Variants in N4BP2 observed in about 807,000 individuals in gnomAD.
The protein encoded by N4BP2 is NEDD4-binding protein 2.
A neutral mutation model predicts 152.8 loss-of-function variants in N4BP2; 91 were observed. The observed-to-expected ratio is 0.60, with a 90% confidence interval of 0.50 to 0.71. The LOEUF (loss-of-function observed/expected upper bound fraction) is 0.71. N4BP2 is among the 30% of genes least tolerant of loss of function. The pLI is 0.00. For missense variants in N4BP2, 1,923 were observed against 2,059.1 expected (o/e 0.93, Z 1.28); for synonymous variants, 646 against 705.3 (o/e 0.92, Z 1.33).
intron 1 of N4BP2, among the ~76,000 whole-genome samples, chr4:40,061,731 C>A (rs1280318283): frequency 6.7e-6 from 1 of 149,602 alleles, no homozygotes; most frequent in African/African-American, 2.5e-5. Flanking sequence ...GTGGTGTGAT[C>A]TCGGCTCACT....
Position 40,102,801 on chromosome 4 carries a change from T to C in N4BP2, c.956T>C (p.Leu319Pro). The change falls in exon 4 of 18, where the codon CTA becomes CCA. Residue 319 changes from leucine (L) to proline (P), a missense_variant. Physicochemically the swap from Leu to Pro is moderately conservative, Grantham distance 98 (BLOSUM62 -3). Transcript: ENST00000261435. ...TCTACTCGGGTCTCTGATGTGTTTC[T>C]ACCTTCCGAAGGGTTCAACTTCAAG... ...QKSTRVSDVFLPSEGFNFKPH... is the reference protein window; with the variant it reads ...QKSTRVSDVFPPSEGFNFKPH... The C allele has an allele frequency of 6.2e-7, 1 of 1,614,198 alleles. No individual in the cohort carries two copies. The highest frequency in any genetic ancestry group is 8.5e-7 in the Non-Finnish European group (1 of 1,180,022).
At chr4:40,109,968 T>G (rs1166513030) in intron 5 of N4BP2, among the ~76,000 whole-genome samples, 1 of 152,232 alleles carries the variant, frequency 6.6e-6, no homozygotes, top group Non-Finnish European at 1.5e-5. Context: ...TAGAACATTT[T>G]TATCATCTCA....
chr4:40,181,140 A>T, the N4BP2 span, among the ~76,000 whole-genome samples: 1 of 152,130 alleles, frequency 6.6e-6, no homozygotes, highest in Non-Finnish European at 1.5e-5. Context: ...ACAGAGCGAG[A>T]GTCTGTCTCA....
chr4:40,073,913 C>A (rs1485570282), intron 2 of N4BP2, among the ~76,000 whole-genome samples: 2 of 152,190 alleles, frequency 1.3e-5, no homozygotes, highest in African/African-American at 4.8e-5. Context: ...CTGCCTCAGC[C>A]TCCCAAGTAG....
chr4:40,097,703 AGTTACTAAG>A, intron 3 of N4BP2, 134 bp downstream of exon 3: 2 of 630,796 alleles, frequency 3.2e-6, no homozygotes, highest in Non-Finnish European at 5.5e-6. Flanking sequence ...GCTGTTGGCA[AGTTACTAAG>A]GTTGGTATTT....
At chr4:40,124,738 T>G (rs1429268020) in intron 11 of N4BP2, among the ~76,000 whole-genome samples, 1 of 152,186 alleles carries the variant, frequency 6.6e-6, no homozygotes, top group East Asian at 1.9e-4. Context: ...TGAACTTTCA[T>G]GAGTGCTGTG....
At position 40,079,405 on chromosome 4, in the gene N4BP2, CTG is replaced by C. The variant is rs1713125546; in HGVS notation, c.-115+5857_-115+5858del. Among the ~76,000 whole-genome samples the C allele has an allele frequency of 3.4e-5, 5 of 148,894 alleles. No individual in the cohort carries two copies. In the South Asian group the frequency reaches 1.1e-3, roughly 31 times the overall value. On this transcript the variant is annotated intron_variant, in intron 2 of 17. Coordinates refer to ENST00000261435, the MANE Select transcript of N4BP2 (RefSeq NM_018177.6). ...ATGCTGGGATTACAGGTGTGAGCCA[CTG>C]TGCCCACCCTGGATGGTTTTTTTTT...
In N4BP2 at chr4:40,131,921, T is replaced by C; in HGVS notation, c.4646+2T>C. The C allele has an allele frequency of 6.5e-7, 1 of 1,529,626 alleles. No homozygotes were observed. The highest frequency in any genetic ancestry group is 9.1e-7 in the Non-Finnish European group (1 of 1,103,302). The allele number at this position is 1,529,626 out of a possible 1,614,324, so 94.8% of individuals were successfully genotyped here. A position where few individuals can be genotyped will look rare whatever the true frequency, so the allele number is the denominator to read the frequency against. On this transcript the variant is annotated splice_donor_variant, in intron 13 of 17. Coordinates refer to ENST00000261435, the MANE Select transcript of N4BP2 (RefSeq NM_018177.6). LOFTEE classifies it high-confidence loss of function. ...GGTGGACATTTTCAAGGACCACAAG[T>C]GAGTGCTAGAAGGATTGTCTGTAGT...
At chr4:40,101,237 A>T (rs1169688023) in intron 3 of N4BP2, among the ~76,000 whole-genome samples, 2 of 151,930 alleles carry the variant, frequency 1.3e-5, no homozygotes, top group Non-Finnish European at 2.9e-5. Flanking sequence ...GCTCACTACC[A>T]CCTCTGCCTC....
intron 15 of N4BP2, 126 bp downstream of exon 15, chr4:40,142,987 A>G (rs893974138): frequency 2.7e-6 from 2 of 738,220 alleles, no homozygotes; most frequent in Admixed American, 2.8e-5. Context: ...TATGTAAGTG[A>G]CATAAATAAG....
intron 16 of N4BP2, among the ~76,000 whole-genome samples, chr4:40,146,066 G>T (rs10006674): frequency 0.082 from 12,409 of 152,050 alleles, 935 homozygotes; most frequent in East Asian, 0.41. Context: ...GGAGGCTGAG[G>T]CAGGGAGAAT....
chr4:40,110,330 A>G (rs1255089638), intron 5 of N4BP2, among the ~76,000 whole-genome samples: 3 of 152,230 alleles, frequency 2.0e-5, no homozygotes, highest in South Asian at 2.1e-4. Context: ...GCTGTTTTCC[A>G]AAGCAATCAT....
intron 1 of N4BP2, among the ~76,000 whole-genome samples, chr4:40,062,397 A>G (rs1040618276): frequency 2.0e-5 from 3 of 151,872 alleles, no homozygotes; most frequent in Admixed American, 2.0e-4. Flanking sequence ...GGTTAGTATC[A>G]TGTCTCACCT....
At chr4:40,183,397 G>C in the N4BP2 span, among the ~76,000 whole-genome samples, 621 of 150,450 alleles carry the variant, frequency 4.1e-3, 4 homozygotes, top group African/African-American at 0.015. Flanking sequence ...GTGCAGTGGC[G>C]CGATCTCTGC....
intron 2 of N4BP2, among the ~76,000 whole-genome samples, chr4:40,082,612 G>T (rs1296088720): frequency 6.6e-6 from 1 of 152,124 alleles, no homozygotes; most frequent in Non-Finnish European, 1.5e-5. Context: ...GTGCAACAGA[G>T]TGAGACTCTG....
intron 4 of N4BP2, among the ~76,000 whole-genome samples, chr4:40,106,683 G>A (rs1716327281): frequency 6.6e-6 from 1 of 152,044 alleles, no homozygotes; most frequent in Admixed American, 6.6e-5. Flanking sequence ...CTAGTAGCTG[G>A]GACTATAGGC....
the N4BP2 span, among the ~76,000 whole-genome samples, chr4:40,190,203 T>C: frequency 6.6e-6 from 1 of 152,230 alleles, no homozygotes. Context: ...ATTTCTGTTC[T>C]TGTTGTTCGC....
chr4:40,185,601 T>C, the N4BP2 span, among the ~76,000 whole-genome samples: 2 of 152,128 alleles, frequency 1.3e-5, no homozygotes, highest in Middle Eastern at 3.2e-3. Flanking sequence ...GAACTTAAAC[T>C]TATTATTTGG....
At chr4:40,116,182 G>A (rs1028456028) in intron 7 of N4BP2, among the ~76,000 whole-genome samples, 34 of 151,806 alleles carry the variant, frequency 2.2e-4, no homozygotes, top group African/African-American at 7.5e-4. Flanking sequence ...TTTTATGTTC[G>A]ATGTATCTCT....
Sources: allele counts gnomAD v4.1 joint callset (sites outside exome capture counted in the v4.1 genomes callset), GRCh38; gene constraint gnomAD v4.1.1; transcripts MANE v1.5; gene names NCBI Gene and HGNC (gene_info 2026-07-23, HGNC 2026-07-21).